SULT6B1: variants seen among roughly 807,000 people sequenced by gnomAD.
SULT6B1 encodes sulfotransferase family 6B member 1.
Under a neutral mutation model 37.2 loss-of-function variants are expected in SULT6B1, and 44 were observed. That is an observed-to-expected ratio of 1.18 (90% CI 0.93 to 1.52). The LOEUF is 1.52. Among genes scored for constraint, SULT6B1 ranks in the 40% most tolerant of loss-of-function variants. SULT6B1 has a pLI of 0.00. For synonymous variants in SULT6B1, 140 were observed against 126.0 expected (o/e 1.11, Z -0.74); for missense variants, 450 against 361.0 (o/e 1.25, Z -2.00).
At chr2:37,171,147 G>T (rs1676288105) in intron 6 of SULT6B1, among the ~76,000 whole-genome samples, 1 of 151,902 alleles carries the variant, frequency 6.6e-6, no homozygotes, top group African/African-American at 2.4e-5. Context: ...GGCTGAGGCA[G>T]GAGAATCGCT....
At chr2:37,178,661 A>G (rs1676483200) in intron 4 of SULT6B1, among the ~76,000 whole-genome samples, 1 of 152,252 alleles carries the variant, frequency 6.6e-6, no homozygotes, top group African/African-American at 2.4e-5. Context: ...TGGAGCATTA[A>G]TAGACACTTA....
intron 5 of SULT6B1, among the ~76,000 whole-genome samples, chr2:37,174,195 C>T (rs1320786434): frequency 6.6e-6 from 1 of 151,610 alleles, no homozygotes; most frequent in Non-Finnish European, 1.5e-5. Context: ...AAATCACATC[C>T]CCTCAGTAAG....
intron 4 of SULT6B1, among the ~76,000 whole-genome samples, chr2:37,176,237 T>C (rs1056583632): frequency 6.6e-6 from 1 of 150,668 alleles, no homozygotes; most frequent in Non-Finnish European, 1.5e-5. Context: ...AAACAGTGCC[T>C]GCTTCATAGT....
At chr2:37,190,204 G>C (rs1273915126), upstream of SULT6B1, among the ~76,000 whole-genome samples, 1 of 152,200 alleles carries the variant, frequency 6.6e-6, no homozygotes, top group Non-Finnish European at 1.5e-5. Context: ...TTGGCCTCTT[G>C]ATAAGTCAAA....
chr2:37,178,072 C>G (rs2148290583), intron 4 of SULT6B1, among the ~76,000 whole-genome samples: 1 of 152,150 alleles, frequency 6.6e-6, no homozygotes, highest in African/African-American at 2.4e-5. Context: ...GACGGAGTTT[C>G]TCACTCTTGT....
chr2:37,177,454 A>C (rs1558446961), intron 4 of SULT6B1, among the ~76,000 whole-genome samples: 1 of 119,926 alleles, frequency 8.3e-6, no homozygotes, highest in East Asian at 6.5e-4. Flanking sequence ...AAAAAAAGAG[A>C]AGAATACAGC....
chr2:37,191,626 C>G (rs1438699608), upstream of SULT6B1, among the ~76,000 whole-genome samples: 1 of 152,178 alleles, frequency 6.6e-6, no homozygotes, highest in Admixed American at 6.5e-5. Flanking sequence ...GTGAGAAGGG[C>G]AGAGAAGAGT....
Position 37,187,397 on chromosome 2 carries a change from TG to T in SULT6B1, c.269del (p.Pro90GlnfsTer17), listed in dbSNP as rs1385994721. The T allele has an allele frequency of 6.2e-7, 1 of 1,609,312 alleles. No homozygotes were observed. The highest frequency in any genetic ancestry group is 2.2e-5 in the East Asian group (1 of 44,724). ...YAVSKKKYKY[P>X]EFPVLECGDS... ...CCCCACATTCAAGAACTGGGAATTC[TG>T]GATATTTATACTTTTTTTTAGAAAC... On this transcript the variant is annotated frameshift_variant, in exon 2 of 7. Transcript: ENST00000535679. LOFTEE classifies it high-confidence loss of function.
At chr2:37,168,818 AC>A (rs1676236172) in intron 6 of SULT6B1, among the ~76,000 whole-genome samples, 2 of 152,204 alleles carry the variant, frequency 1.3e-5, no homozygotes, top group Non-Finnish European at 2.9e-5. Flanking sequence ...AAAGAAAGTT[AC>A]TTTTTTCTTA....
upstream of SULT6B1, among the ~76,000 whole-genome samples, chr2:37,193,642 GAAGA>G (rs1558454968): frequency 6.6e-6 from 1 of 150,462 alleles, no homozygotes; most frequent in Admixed American, 6.6e-5. Context: ...AGAAGAAGAA[GAAGA>G]AGAAGGAGAA....
At chr2:37,177,138 T>A (rs180705602) in intron 4 of SULT6B1, among the ~76,000 whole-genome samples, 8 of 147,744 alleles carry the variant, frequency 5.4e-5, no homozygotes, top group Non-Finnish European at 1.0e-4. Context: ...ATTGTCCCAC[T>A]GATGACAAGT....
chr2:37,195,592 T>C (rs1676900549), intron 1 of SULT6B1, among the ~76,000 whole-genome samples: 1 of 152,184 alleles, frequency 6.6e-6, no homozygotes, highest in Non-Finnish European at 1.5e-5. Context: ...TTGTGTACTT[T>C]CCATCAGTTA....
rs1318754428 is a variant in SULT6B1, at chr2:37,168,041, A to T, written c.806T>A (p.Leu269Ter). Residue 269 changes from leucine to a stop codon, truncating the protein, a stop_gained, in exon 7 of 7, where the codon TTG becomes TAG. Transcript: ENST00000535679. LOFTEE classifies it high-confidence loss of function. ...RKGEVGDWKN[L>*]FSEIQNQEMD... ...TTCCTGGTTCTGAATTTCACTGAAC[A>T]AATTTTTCCAATCACCAACTTCACC... 1.3e-6 allele frequency: 2 copies of T among 1,595,918 alleles called. No homozygotes were observed. The highest frequency in any genetic ancestry group is 8.5e-7 in the Non-Finnish European group (1 of 1,175,780).
At chr2:37,175,089 G>C (rs11569756) in intron 5 of SULT6B1, 43 bp downstream of exon 5, 37,076 of 1,241,946 alleles carry the variant, frequency 0.03, 683 homozygotes, top group Middle Eastern at 0.036. Flanking sequence ...CTACGTTGTA[G>C]TTTACAATAA....
At chr2:37,176,686 C>A (rs1676439156) in intron 4 of SULT6B1, among the ~76,000 whole-genome samples, 1 of 152,124 alleles carries the variant, frequency 6.6e-6, no homozygotes, top group African/African-American at 2.4e-5. Context: ...CGTAAGTTGC[C>A]TACCCAACAT....
intron 5 of SULT6B1, 128 bp from the exon 6 acceptor site, chr2:37,171,718 T>G (rs1451639558): frequency 5.4e-6 from 4 of 740,128 alleles, no homozygotes; most frequent in African/African-American, 5.3e-5. Context: ...CACTTTAAAC[T>G]TAGAGTACTT....
At chr2:37,178,032 C>A (rs1227914871) in intron 4 of SULT6B1, among the ~76,000 whole-genome samples, 3 of 152,006 alleles carry the variant, frequency 2.0e-5, no homozygotes, top group African/African-American at 7.3e-5. Flanking sequence ...CACTTACAAG[C>A]AATGGCAAGT....
chr2:37,170,282 C>A (rs1178339884), intron 6 of SULT6B1, among the ~76,000 whole-genome samples: 2 of 151,322 alleles, frequency 1.3e-5, no homozygotes, highest in Non-Finnish European at 2.9e-5. Flanking sequence ...GTCTGGCCAA[C>A]ATGGTGAAAC....
chr2:37,187,194 A>G (rs1273694396), intron 2 of SULT6B1, among the ~76,000 whole-genome samples, 161 bp downstream of exon 2: 1 of 152,206 alleles, frequency 6.6e-6, no homozygotes, highest in African/African-American at 2.4e-5. Context: ...TTTGCAGAAA[A>G]TGAGATGATA....
Sources: gnomAD v4.1 joint callset for allele counts (sites outside exome capture counted in the v4.1 genomes callset) on GRCh38, gnomAD v4.1.1 for gene constraint, MANE v1.5 for transcripts, NCBI Gene and HGNC (gene_info 2026-07-23, HGNC 2026-07-21) for gene names.